The following CSMD1 variants were observed in gnomAD, a reference collection of about 807,000 sequenced individuals.
CSMD1 encodes the protein CUB and Sushi multiple domains 1.
A neutral mutation model predicts 417.5 loss-of-function variants in CSMD1; 213 were observed. The observed-to-expected ratio is 0.51, with a 90% CI of 0.46 to 0.57. CSMD1 has a LOEUF of 0.57. Among genes scored for constraint, CSMD1 ranks in the 20% least tolerant of loss-of-function variants. The pLI, the probability that CSMD1 is intolerant of heterozygous loss-of-function variation, is 0.00. For synonymous variants in CSMD1, 2,862 were observed against 1,736.8 expected (o/e 1.65, Z -16.11); for missense variants, 6,923 against 4,529.7 (o/e 1.53, Z -15.17).
chr8:3,692,216 G>A (rs961353022), intron 7 of CSMD1, among the ~76,000 whole-genome samples: 1 of 152,148 alleles, frequency 6.6e-6, no homozygotes, highest in Admixed American at 6.5e-5. Flanking sequence ...ACACCTCAGT[G>A]TCCTGGGGGC....
intron 49 of CSMD1, among the ~76,000 whole-genome samples, chr8:3,061,513 C>G (rs538008755): frequency 6.6e-6 from 1 of 152,268 alleles, no homozygotes; most frequent in African/African-American, 2.4e-5. Context: ...TTAGGATGCA[C>G]TCGAGCAAAC....
Position 4,041,359 on chromosome 8 carries a change from T to C in CSMD1, c.416-9260A>G, listed in dbSNP as rs10503229. On this transcript the variant is annotated intron_variant, in intron 3 of 69. Transcript: ENST00000635120. ...AACACTAGAAGAATTAATCCATATA[T>C]AAATTTTCGCAAAACTATGACAAGA... Among the ~76,000 whole-genome samples the C allele has an allele frequency of 8.5e-5, 13 of 152,114 alleles. No individual in the cohort carries two copies. The East Asian group carries it at 2.5e-3, about 30-fold the overall frequency.
At chr8:3,608,763 CA>C (rs10655689) in intron 8 of CSMD1, among the ~76,000 whole-genome samples, 12,040 of 139,104 alleles carry the variant, frequency 0.087, 674 homozygotes, top group East Asian at 0.29. Context: ...GACTCTGTCT[CA>C]AAAAAAAAAA....
intron 18 of CSMD1, among the ~76,000 whole-genome samples, chr8:3,377,767 C>A (rs1344910861): frequency 6.6e-6 from 1 of 152,288 alleles, no homozygotes; most frequent in East Asian, 1.9e-4. Flanking sequence ...AGGTTAAGGG[C>A]TGTACTTTCC....
chr8:3,654,245 G>T (rs1292143847), intron 7 of CSMD1, among the ~76,000 whole-genome samples: 1 of 151,926 alleles, frequency 6.6e-6, no homozygotes, highest in African/African-American at 2.4e-5. Flanking sequence ...TGGTTTTCAG[G>T]GACTTATTTA....
At chr8:4,112,080 A>G (rs17404627) in intron 3 of CSMD1, among the ~76,000 whole-genome samples, 20,103 of 152,218 alleles carry the variant, frequency 0.13, 1,706 homozygotes, top group Non-Finnish European at 0.19. Flanking sequence ...CTAGTCTTGA[A>G]ATAAAAGGAA....
At chr8:3,148,467 C>T (rs1271114124) in intron 40 of CSMD1, among the ~76,000 whole-genome samples, 1 of 152,168 alleles carries the variant, frequency 6.6e-6, no homozygotes, top group Non-Finnish European at 1.5e-5. Flanking sequence ...CAGAGGAAAT[C>T]ATTCACATGC....
At chr8:3,552,537 G>A (rs1798962598) in intron 10 of CSMD1, among the ~76,000 whole-genome samples, 1 of 152,024 alleles carries the variant, frequency 6.6e-6, no homozygotes. Flanking sequence ...TTTTTGAATT[G>A]GATTAGCCAA....
intron 1 of CSMD1, among the ~76,000 whole-genome samples, chr8:4,737,500 A>G (rs555450169): frequency 1.3e-5 from 2 of 151,418 alleles, no homozygotes; most frequent in Non-Finnish European, 2.9e-5. Flanking sequence ...AATAACAATT[A>G]AAAAAAAACA....
intron 2 of CSMD1, among the ~76,000 whole-genome samples, chr8:4,442,765 G>A (rs1798558405): frequency 6.6e-6 from 1 of 152,144 alleles, no homozygotes; most frequent in Non-Finnish European, 1.5e-5. Flanking sequence ...ATAATCCAAA[G>A]ACAGTAATGG....
chr8:4,089,968 T>A (rs1307955573), intron 3 of CSMD1, among the ~76,000 whole-genome samples: 2 of 152,204 alleles, frequency 1.3e-5, no homozygotes, highest in Non-Finnish European at 2.9e-5. Context: ...GACTTTCAGA[T>A]AGAATGCCGC....
At chr8:4,613,447 C>T (rs1025197360) in intron 2 of CSMD1, among the ~76,000 whole-genome samples, 2 of 152,120 alleles carry the variant, frequency 1.3e-5, no homozygotes, top group Non-Finnish European at 2.9e-5. Context: ...GCCTCCAGAA[C>T]CAAGTTTGCT....
In CSMD1 at chr8:3,359,268, A is replaced by G; in HGVS notation, c.3188T>C (p.Val1063Ala). The G allele has an allele frequency of 1.2e-6, 2 of 1,613,904 alleles. No individual in the cohort carries two copies. Among genetic ancestry groups the G allele is most frequent in the Non-Finnish European group, 1.7e-6 (2 of 1,179,838 alleles). Residue 1063 changes from valine (V) to alanine (A), a missense_variant, in exon 21 of 70, where the codon GTG becomes GCG. By Grantham distance (64) the Val-to-Ala change is moderately conservative. Coordinates refer to ENST00000635120, the MANE Select transcript of CSMD1 (RefSeq NM_033225.6). ...FSRRIGFHFG[V>A]GDSLTFSCFL... ...GCAGGAAAACGTCAGAGAGTCTCCC[A>G]CACCAAAGTGAAAACCAATTCTTCG...
intron 7 of CSMD1, among the ~76,000 whole-genome samples, chr8:3,700,091 TC>T (rs1800771346): frequency 6.6e-6 from 1 of 152,102 alleles, no homozygotes; most frequent in Non-Finnish European, 1.5e-5. Context: ...TACAAAGGGC[TC>T]TGTGGACGTT....
chr8:4,651,464 C>A (rs562214925), intron 1 of CSMD1, among the ~76,000 whole-genome samples: 1 of 152,054 alleles, frequency 6.6e-6, no homozygotes, highest in Non-Finnish European at 1.5e-5. Context: ...TAGTCATATA[C>A]TGGTGGGGGG....
chr8:3,104,689 T>A (rs1816000338), intron 46 of CSMD1, among the ~76,000 whole-genome samples: 2 of 149,256 alleles, frequency 1.3e-5, no homozygotes, highest in African/African-American at 2.5e-5. Flanking sequence ...CACAAAGTTA[T>A]CAGACTTTTT....
chr8:4,956,515 A>G lies in CSMD1; in HGVS notation c.85+37817T>C, dbSNP rs1161092117. ...TAAAAATATATGTTATCATATACAC[A>G]CGTATTTTAAATATATTATAAAATA... On this transcript the variant is annotated intron_variant, in intron 1 of 69. Transcript: ENST00000635120. 9.4e-5 allele frequency among the ~76,000 whole-genome samples: 14 copies of G among 148,936 alleles called. No homozygotes were observed. The East Asian group carries it at 2.7e-3, about 29-fold the overall frequency.
intron 5 of CSMD1, among the ~76,000 whole-genome samples, chr8:3,882,919 T>C (rs1488096209): frequency 6.6e-6 from 1 of 152,168 alleles, no homozygotes; most frequent in Non-Finnish European, 1.5e-5. Context: ...GGGAGTAATG[T>C]TCTGCATCTT....
In CSMD1 at chr8:3,669,737, G is replaced by A. The variant is rs73658204; in HGVS notation, c.1009+38677C>T. Among the ~76,000 whole-genome samples, 1,093 of 152,146 alleles carry A rather than the reference G, an allele frequency of 7.2e-3. 7 individuals carry two copies. The highest frequency in any genetic ancestry group is 0.025 in the African/African-American group (1,040 of 41,506). On this transcript the variant is annotated intron_variant, in intron 7 of 69. Coordinates refer to ENST00000635120, the MANE Select transcript of CSMD1 (RefSeq NM_033225.6). ...CAAAGAGGAAGGCCAGGAGGACAGGGGCCCTGACCTGGCTAAGCCTGAGGC... is the reference window on the plus strand; with the variant it reads ...CAAAGAGGAAGGCCAGGAGGACAGGAGCCCTGACCTGGCTAAGCCTGAGGC...
Sources: gnomAD v4.1 joint callset for allele counts (sites outside exome capture counted in the v4.1 genomes callset) on GRCh38, gnomAD v4.1.1 for gene constraint, MANE v1.5 for transcripts, NCBI Gene and HGNC (gene_info 2026-07-23, HGNC 2026-07-21) for gene names.